The following RSU1 variants were observed in gnomAD, a reference collection of about 807,000 sequenced individuals.
RSU1 encodes Ras suppressor protein 1.
A neutral mutation model predicts 31.1 loss-of-function variants in RSU1; 26 were observed. The observed-to-expected ratio is 0.84, with a 90% CI of 0.61 to 1.16. RSU1 has a LOEUF of 1.16. Among genes scored for constraint, RSU1 ranks in the 50% most tolerant of loss-of-function variants. RSU1 has a pLI of 0.00. For missense variants in RSU1, 320 were observed against 339.1 expected, an observed-to-expected ratio of 0.94 and a Z score of 0.44; for synonymous variants, 164 against 136.3, an observed-to-expected ratio of 1.20 and a Z score of -1.41.
intron 7 of RSU1, among the ~76,000 whole-genome samples, chr10:16,704,856 G>A (rs1588481082): frequency 6.6e-6 from 1 of 151,754 alleles, no homozygotes; most frequent in Non-Finnish European, 1.5e-5. Flanking sequence ...CTTTTTATTT[G>A]CATTAAAATA....
chr10:16,700,955 A>G lies in RSU1; in HGVS notation c.599-5800T>C, dbSNP rs996104907. Among the ~76,000 whole-genome samples the G allele has an allele frequency of 3.9e-5, 6 of 152,256 alleles. 1 individual carries two copies. The highest frequency in any genetic ancestry group is 1.4e-4 in the African/African-American group (6 of 41,474). On this transcript the variant is annotated intron_variant, in intron 7 of 8. Transcript: ENST00000345264. ...CAATTTTTGAAAAAATACAGTAGAAATCCATATATGTATATGACTAAATGT... is the reference window on the plus strand; with the variant it reads ...CAATTTTTGAAAAAATACAGTAGAAGTCCATATATGTATATGACTAAATGT...
intron 7 of RSU1, among the ~76,000 whole-genome samples, chr10:16,732,703 T>A (rs949951419): frequency 6.6e-6 from 1 of 152,214 alleles, no homozygotes; most frequent in East Asian, 1.9e-4. Context: ...CCAGGCTACA[T>A]TTCTACTGCA....
chr10:16,784,126 G>A lies in RSU1; in HGVS notation c.110-2042C>T, dbSNP rs928476227. Among the ~76,000 whole-genome samples, 5 of 151,274 alleles carry A rather than the reference G, an allele frequency of 3.3e-5. No homozygotes were observed. The East Asian group carries it at 9.7e-4, about 29-fold the overall frequency. ...TAACATGACCTTGCTCTGTTGCCCAGGCTGGGGTGCAGTAGTGCAATTACA... is the reference window on the plus strand; with the variant it reads ...TAACATGACCTTGCTCTGTTGCCCAAGCTGGGGTGCAGTAGTGCAATTACA... On this transcript the variant is annotated intron_variant, in intron 2 of 8. Coordinates refer to ENST00000345264, the MANE Select transcript of RSU1 (RefSeq NM_012425.4).
chr10:16,648,242 AG>A (rs1834611294), intron 8 of RSU1, among the ~76,000 whole-genome samples: 1 of 151,908 alleles, frequency 6.6e-6, no homozygotes, highest in Non-Finnish European at 1.5e-5. Context: ...CTGGGATTAC[AG>A]GCACTAGCCT....
chr10:16,742,292 G>A (rs1158611516), intron 7 of RSU1, among the ~76,000 whole-genome samples: 1 of 152,108 alleles, frequency 6.6e-6, no homozygotes, highest in Admixed American at 6.5e-5. Context: ...TTCTGGAAAG[G>A]TCTAAATATA....
chr10:16,784,570 T>C (rs1207721312), intron 2 of RSU1, among the ~76,000 whole-genome samples: 1 of 152,108 alleles, frequency 6.6e-6, no homozygotes, highest in East Asian at 1.9e-4. Context: ...AGTAAAGACA[T>C]ACCCGAAACT....
intron 2 of RSU1, among the ~76,000 whole-genome samples, chr10:16,809,350 G>T (rs527351025): frequency 1.7e-4 from 26 of 152,246 alleles, no homozygotes; most frequent in African/African-American, 4.1e-4. Flanking sequence ...CTTTCACTGT[G>T]AGCTACACAG....
intron 7 of RSU1, among the ~76,000 whole-genome samples, chr10:16,745,806 G>A (rs1232310701): frequency 6.6e-6 from 1 of 152,212 alleles, no homozygotes; most frequent in African/African-American, 2.4e-5. Flanking sequence ...TAGTGATGGA[G>A]AGTCCAGCAC....
chr10:16,798,012 C>G (rs1357272961), intron 2 of RSU1, among the ~76,000 whole-genome samples: 2 of 151,996 alleles, frequency 1.3e-5, no homozygotes, highest in Non-Finnish European at 2.9e-5. Context: ...TAGGTGCCCA[C>G]CACCACGCCC....
intron 8 of RSU1, among the ~76,000 whole-genome samples, chr10:16,626,643 G>C (rs1834162383): frequency 6.6e-6 from 1 of 152,132 alleles, no homozygotes; most frequent in Non-Finnish European, 1.5e-5. Flanking sequence ...CTACCTCCTA[G>C]CTCTTTGTCT....
intron 4 of RSU1, among the ~76,000 whole-genome samples, chr10:16,758,440 C>T (rs903590080): frequency 3.9e-5 from 6 of 152,156 alleles, no homozygotes; most frequent in African/African-American, 1.2e-4. Context: ...ACACTGCTAG[C>T]AATCAAGGTT....
intron 8 of RSU1, among the ~76,000 whole-genome samples, chr10:16,619,510 G>T (rs954955631): frequency 6.6e-6 from 1 of 152,214 alleles, no homozygotes; most frequent in Non-Finnish European, 1.5e-5. Context: ...AACAGAAACA[G>T]AGGGAATGAA....
chr10:16,670,355 A>G (rs958796840), intron 8 of RSU1, among the ~76,000 whole-genome samples: 1 of 152,182 alleles, frequency 6.6e-6, no homozygotes, highest in Non-Finnish European at 1.5e-5. Flanking sequence ...TGGCCACTCA[A>G]TCTGATAAAC....
intron 3 of RSU1, among the ~76,000 whole-genome samples, chr10:16,781,221 CCT>C (rs1258727056): frequency 6.6e-6 from 1 of 152,012 alleles, no homozygotes. Flanking sequence ...AGCGTGGGTC[CCT>C]GTCATTAAAA....
intron 8 of RSU1, among the ~76,000 whole-genome samples, chr10:16,694,235 G>C (rs916846454): frequency 1.3e-5 from 2 of 152,126 alleles, no homozygotes; most frequent in Admixed American, 6.5e-5. Flanking sequence ...ACTTTAAGCT[G>C]GCAGATTCCG....
At chr10:16,755,434 T>A (rs1041397835) in intron 4 of RSU1, among the ~76,000 whole-genome samples, 2 of 151,772 alleles carry the variant, frequency 1.3e-5, no homozygotes, top group African/African-American at 4.8e-5. Context: ...TTTTTTTTTT[T>A]AATTAAAAAA....
rs1837447928 is a variant in RSU1, at chr10:16,772,696, AAGC to A, written c.161-8189_161-8187del. On this transcript the variant is annotated intron_variant, in intron 3 of 8. Coordinates refer to ENST00000345264, the MANE Select transcript of RSU1 (RefSeq NM_012425.4). ...AAAACTTCAATCCATCAATGGAAAA[AAGC>A]AGTCTCAGTGTTATAAAAGGACTGA... 5.3e-5 allele frequency among the ~76,000 whole-genome samples: 8 copies of A among 152,016 alleles called. No individual in the cohort carries two copies. The South Asian group carries it at 1.7e-3, about 32-fold the overall frequency.
At chr10:16,814,461 A>AAT (rs749513804) in intron 2 of RSU1, among the ~76,000 whole-genome samples, 3,852 of 146,232 alleles carry the variant, frequency 0.026, 65 homozygotes, top group Non-Finnish European at 0.038. Context: ...GAAAAAAAAA[A>AAT]AAAAAAAGAA....
intron 8 of RSU1, among the ~76,000 whole-genome samples, chr10:16,635,750 A>C (rs1198725745): frequency 6.6e-6 from 1 of 152,182 alleles, no homozygotes; most frequent in Non-Finnish European, 1.5e-5. Flanking sequence ...ATTTGCCTTC[A>C]CTTGGAATAA....
Sources: allele counts gnomAD v4.1 joint callset (sites outside exome capture counted in the v4.1 genomes callset), GRCh38; gene constraint gnomAD v4.1.1; transcripts MANE v1.5; gene names NCBI Gene and HGNC (gene_info 2026-07-23, HGNC 2026-07-21).